Variants in SASS6 observed in about 807,000 individuals in gnomAD.
The protein encoded by SASS6 is spindle assembly abnormal protein 6 homolog.
Under a neutral mutation model 94.9 loss-of-function variants are expected in SASS6, and 59 were observed. That is an observed-to-expected ratio of 0.62 (90% confidence interval 0.50 to 0.77). SASS6 has a LOEUF of 0.77. Among genes scored for constraint, SASS6 ranks in the 30% least tolerant of loss-of-function variants. The pLI, the probability that SASS6 is intolerant of heterozygous loss-of-function variation, is 0.00. For missense variants in SASS6, 698 were observed against 734.1 expected (o/e 0.95, Z 0.57); for synonymous variants, 264 against 270.0 (o/e 0.98, Z 0.22).
chr1:100,132,658 G>A (rs1182043748), intron 1 of SASS6, 92 bp downstream of exon 1: 4 of 1,064,626 alleles, frequency 3.8e-6, no homozygotes, highest in African/African-American at 1.6e-5. Context: ...ACACCTAGGT[G>A]CAAGGTGGAT....
Position 100,132,750 on chromosome 1 carries a change from C to T in SASS6, c.65G>A (p.Arg22Lys). 1 of 1,613,516 alleles carries T rather than the reference C, an allele frequency of 6.2e-7. No homozygotes were observed. Among genetic ancestry groups the T allele is most frequent in the Non-Finnish European group, 8.5e-7 (1 of 1,179,480 alleles). ...LQVKCKDCEE[R>K]RVSIRMSIEL... The stretch of plus-strand genomic sequence containing the variant: ...GGGCACTGGATGACGCGGACCTTAC[C>T]TCTCCTCACAGTCTTTGCATTTCAC... Residue 22 changes from arginine (R) to lysine (K), a missense_variant and splice_region_variant, in exon 1 of 17, where the codon AGG becomes AAG. Arg to Lys is a conservative substitution (Grantham distance 26). Transcript: ENST00000287482.
Position 100,084,176 on chromosome 1 carries a change from T to C in SASS6, c.*1152A>G, listed in dbSNP as rs1557875578. 1 of 151,976 alleles carries C rather than the reference T, an allele frequency of 6.6e-6. No homozygotes were observed. The highest frequency in any genetic ancestry group is 1.5e-5 in the Non-Finnish European group (1 of 67,898). The allele number at this position is 151,976 out of a possible 1,614,324, so 9.4% of individuals were successfully genotyped here. ...AAAAAAAATTAGCAAAGATTCTTTC[T>C]TACCATGGGACTCAGTAATGTTATT... On this transcript the variant is annotated 3_prime_UTR_variant, in exon 17 of 17. Transcript: ENST00000287482.
Position 100,121,490 on chromosome 1 carries a change from T to G in SASS6, c.371A>C (p.Asn124Thr), listed in dbSNP as rs779230882. The change falls in exon 5 of 17, where the codon AAT becomes ACT. Residue 124 changes from asparagine to threonine, a missense_variant. Coordinates refer to ENST00000287482, the MANE Select transcript of SASS6 (RefSeq NM_194292.3). ...CTTAAAAGGATTTGTCTCTACCACA[T>G]TTAAAAATGCAGGTGAGTTATCCAA... ...AILDNSPAFL[N>T]VVETNPFKHL... 6.3e-7 allele frequency: 1 copy of G among 1,599,430 alleles called. No individual in the cohort carries two copies. The highest frequency in any genetic ancestry group is 1.1e-5 in the South Asian group (1 of 88,994).
At position 100,125,909 on chromosome 1, in the gene SASS6, T is replaced by C. The variant is rs963019372; in HGVS notation, c.99A>G (p.Gln33=). 8 of 1,562,482 alleles carry C rather than the reference T, an allele frequency of 5.1e-6. No homozygotes were observed. Among genetic ancestry groups the C allele is most frequent in the Admixed American group, 1.8e-5 (1 of 54,360 alleles). ...RVSIRMSIEL[Q]SVSNPVHRKD... is the part of the protein sequence containing the mutation. ...TTCTGTGAACTGGATTAGAAACTGATTGTAGTTCAATGCTCATTCTTATAC... is the reference window on the plus strand; with the variant it reads ...TTCTGTGAACTGGATTAGAAACTGACTGTAGTTCAATGCTCATTCTTATAC... The change falls in exon 2 of 17, where the codon CAA becomes CAG. Residue 33 remains glutamine, a synonymous_variant. Transcript: ENST00000287482.
At chr1:100,095,679 T>C (rs1652055091) in intron 14 of SASS6, among the ~76,000 whole-genome samples, 1 of 152,132 alleles carries the variant, frequency 6.6e-6, no homozygotes, top group East Asian at 1.9e-4. Flanking sequence ...CCAACAGAAT[T>C]TACCAAAAAC....
intron 14 of SASS6, 82 bp from the exon 15 acceptor site, chr1:100,088,318 C>G (rs1006922351): frequency 4.3e-6 from 3 of 695,926 alleles, no homozygotes; most frequent in African/African-American, 3.5e-5. Context: ...TTAAACAGAG[C>G]CTTGCTCTGT....
intron 8 of SASS6, among the ~76,000 whole-genome samples, chr1:100,109,375 TA>T: frequency 6.6e-6 from 1 of 152,174 alleles, no homozygotes; most frequent in Non-Finnish European, 1.5e-5. Context: ...AATCTACATA[TA>T]TTTTCTAATA....
chr1:100,097,954 A>G (rs1652222677), intron 14 of SASS6, among the ~76,000 whole-genome samples: 2 of 152,232 alleles, frequency 1.3e-5, no homozygotes, highest in African/African-American at 2.4e-5. Flanking sequence ...AAGGAGGAGT[A>G]AGGATAAACT....
At chr1:100,109,373 T>C (rs1653137085) in intron 8 of SASS6, among the ~76,000 whole-genome samples, 1 of 152,192 alleles carries the variant, frequency 6.6e-6, no homozygotes, top group Non-Finnish European at 1.5e-5. Context: ...AAAATCTACA[T>C]ATATTTTCTA....
chr1:100,103,189 A>G (rs947720747), intron 13 of SASS6, 106 bp from the exon 14 acceptor site: 3 of 673,450 alleles, frequency 4.5e-6, no homozygotes, highest in South Asian at 4.0e-5. Context: ...TAATTAAGAG[A>G]GCACTATCTC....
intron 14 of SASS6, among the ~76,000 whole-genome samples, chr1:100,088,941 A>G (rs1348973152): frequency 2.6e-5 from 4 of 152,198 alleles, no homozygotes; most frequent in Non-Finnish European, 5.9e-5. Context: ...AAAGACAACA[A>G]TAAGATGTCA....
intron 1 of SASS6, among the ~76,000 whole-genome samples, chr1:100,130,719 G>A (rs143802536): frequency 9.9e-5 from 15 of 150,862 alleles, no homozygotes; most frequent in African/African-American, 3.6e-4. Context: ...GAGAGAAAGA[G>A]AGAGAGTCTG....
intron 11 of SASS6, 64 bp from the exon 12 acceptor site, chr1:100,107,057 GTAT>G (rs528746401): frequency 0.02 from 13,923 of 694,136 alleles, 231 homozygotes; most frequent in Middle Eastern, 0.046. Flanking sequence ...ACTGAAGAAT[GTAT>G]TATTATTAAC....
At chr1:100,090,020 TATA>T (rs1455556410) in intron 14 of SASS6, among the ~76,000 whole-genome samples, 1 of 152,030 alleles carries the variant, frequency 6.6e-6, no homozygotes, top group Non-Finnish European at 1.5e-5. Flanking sequence ...TGGGAAGTAG[TATA>T]ATAATATTTG....
At chr1:100,116,422 T>C (rs1653804916) in intron 7 of SASS6, among the ~76,000 whole-genome samples, 2 of 152,174 alleles carry the variant, frequency 1.3e-5, no homozygotes, top group Non-Finnish European at 2.9e-5. Flanking sequence ...TACATACCCA[T>C]AGAATGGCAA....
rs1349335609 is a variant in SASS6 at position 100,122,398 on chromosome 1, T to C, written c.293A>G (p.His98Arg). The change falls in exon 4 of 17, where the codon CAT becomes CGT. Residue 98 changes from histidine (H) to arginine (R), a missense_variant. Physicochemically the swap from His to Arg is conservative, Grantham distance 29 (BLOSUM62 0). Coordinates refer to ENST00000287482, the MANE Select transcript of SASS6 (RefSeq NM_194292.3). ...AACTTACCTTGGAATTTCTTTGGCA[T>C]GTTCTTGAGTACATTGCTGAAGGAG... is the stretch of plus-strand genomic sequence containing the variant. ...IDLLQQCTQE[H>R]AKEIPRFLLQ... 2.7e-6 allele frequency: 4 copies of C among 1,508,952 alleles called. No homozygotes were observed. Among genetic ancestry groups the C allele is most frequent in the Admixed American group, 1.7e-5 (1 of 57,260 alleles). 93.5% of individuals were successfully genotyped at this position (1,508,952 alleles called of 1,614,324 possible). A position where few individuals can be genotyped will look rare whatever the true frequency, so the allele number is the denominator to read the frequency against.
At chr1:100,122,258 C>T in intron 4 of SASS6, 122 bp downstream of exon 4, 1 of 487,446 alleles carries the variant, frequency 2.1e-6, no homozygotes, top group Non-Finnish European at 3.6e-6. Flanking sequence ...GGCCTAACCC[C>T]AGTTCTAAAA....
At chr1:100,110,194 C>T (rs1348884465) in intron 8 of SASS6, 98 bp downstream of exon 8, 1 of 608,104 alleles carries the variant, frequency 1.6e-6, no homozygotes, top group African/African-American at 1.9e-5. Context: ...ACCACAAGAG[C>T]ATCCAGAGGA....
At chr1:100,088,541 C>T (rs1651466884) in intron 14 of SASS6, among the ~76,000 whole-genome samples, 1 of 152,174 alleles carries the variant, frequency 6.6e-6, no homozygotes, top group Non-Finnish European at 1.5e-5. Context: ...CCTCCCGTCT[C>T]AGCCTCCCAA....
Sources: allele counts gnomAD v4.1 joint callset (sites outside exome capture counted in the v4.1 genomes callset), GRCh38; gene constraint gnomAD v4.1.1; transcripts MANE v1.5; gene names NCBI Gene and HGNC (gene_info 2026-07-23, HGNC 2026-07-21).